ZCCHC7: variants seen among roughly 807,000 people sequenced by gnomAD.
ZCCHC7 encodes the protein zinc finger CCHC domain-containing protein 7.
In ZCCHC7, 35 loss-of-function variants were observed where a neutral mutation model predicts 52.0. That is an observed-to-expected ratio of 0.67 (90% CI 0.51 to 0.89). The LOEUF (loss-of-function observed/expected upper bound fraction) is 0.89, where lower values mean the gene tolerates loss of function less well. Ranked by LOEUF, ZCCHC7 falls within the 40% of genes least tolerant of loss-of-function variation. ZCCHC7 has a pLI of 0.00. For synonymous variants in ZCCHC7, 217 were observed against 221.5 expected (o/e 0.98, Z 0.18); for missense variants, 574 against 649.1 (o/e 0.88, Z 1.26).
chr9:37,145,864 A>AGG (rs1249126719), intron 2 of ZCCHC7, among the ~76,000 whole-genome samples: 1 of 151,958 alleles, frequency 6.6e-6, no homozygotes, highest in South Asian at 2.1e-4. Flanking sequence ...GTTAAAAGCA[A>AGG]GGAATATAAC....
At chr9:37,347,794 G>A (rs747127113) in intron 6 of ZCCHC7, among the ~76,000 whole-genome samples, 2 of 152,126 alleles carry the variant, frequency 1.3e-5, no homozygotes, top group South Asian at 2.1e-4. Flanking sequence ...TCACAGTAAG[G>A]TTATCTGTGA....
Position 37,357,957 on chromosome 9 carries a change from CACTTTT to C in ZCCHC7, c.*692_*697del, listed in dbSNP as rs1254573668. On this transcript the variant is annotated 3_prime_UTR_variant, in exon 9 of 9. Transcript: ENST00000336755. ...TAATCACAATGAAATCATTTTTTACCACTTTTACAGCGGTGTTTCAAGCGGACTGTC... is the reference window on the plus strand; with the variant it reads ...TAATCACAATGAAATCATTTTTTACCACAGCGGTGTTTCAAGCGGACTGTC... 2 of 151,944 alleles carry C rather than the reference CACTTTT, an allele frequency of 1.3e-5. No homozygotes were observed. Among genetic ancestry groups the C allele is most frequent in the Admixed American group, 1.3e-4 (2 of 15,240 alleles). 9.4% of individuals were successfully genotyped at this position (151,944 alleles called of 1,614,324 possible). A position where few individuals can be genotyped will look rare whatever the true frequency, so the allele number is the denominator to read the frequency against.
chr9:37,326,921 A>T (rs541543972), intron 5 of ZCCHC7: 1 of 152,186 alleles, frequency 6.6e-6, no homozygotes, highest in South Asian at 2.1e-4. Context: ...ATTTATTCCA[A>T]CCATTTATAT....
At chr9:37,243,275 T>A (rs1210865087) in intron 2 of ZCCHC7, among the ~76,000 whole-genome samples, 2 of 151,810 alleles carry the variant, frequency 1.3e-5, no homozygotes, top group African/African-American at 4.8e-5. Context: ...TTAAACATTA[T>A]GAAAACAGAT....
intron 2 of ZCCHC7, among the ~76,000 whole-genome samples, chr9:37,225,030 C>G (rs1026046870): frequency 1.2e-4 from 18 of 152,188 alleles, no homozygotes; most frequent in Middle Eastern, 3.2e-3. Context: ...AAGAATAATT[C>G]ATTTTATCCC....
intron 2 of ZCCHC7, among the ~76,000 whole-genome samples, chr9:37,162,533 A>G (rs529667977): frequency 6.6e-6 from 1 of 152,374 alleles, no homozygotes; most frequent in South Asian, 2.1e-4. Flanking sequence ...TTCAGTCAGC[A>G]TAATTGAGAT....
chr9:37,291,666 TTTTTTG>T (rs1025705664), intron 2 of ZCCHC7, among the ~76,000 whole-genome samples: 1 of 152,218 alleles, frequency 6.6e-6, no homozygotes, highest in African/African-American at 2.4e-5. Flanking sequence ...GTTTTACAGT[TTTTTTG>T]TTTTTGTTTT....
intron 2 of ZCCHC7, among the ~76,000 whole-genome samples, chr9:37,133,840 T>C (rs1588353911): frequency 1.3e-5 from 2 of 152,282 alleles, no homozygotes; most frequent in African/African-American, 4.8e-5. Flanking sequence ...CTGCCCACCT[T>C]GGCCTCCCAA....
At chr9:37,299,329 G>A (rs1217582683) in intron 2 of ZCCHC7, among the ~76,000 whole-genome samples, 6 of 152,178 alleles carry the variant, frequency 3.9e-5, no homozygotes, top group South Asian at 2.1e-4. Flanking sequence ...ACGTGACAAT[G>A]TATATAATTC....
intron 2 of ZCCHC7, among the ~76,000 whole-genome samples, chr9:37,263,993 A>G (rs1451935837): frequency 2.4e-4 from 36 of 152,238 alleles, no homozygotes; most frequent in Non-Finnish European, 8.8e-5. Flanking sequence ...CTTGGTGATC[A>G]TGGATAAACG....
At chr9:37,259,771 G>T (rs1350624805) in intron 2 of ZCCHC7, among the ~76,000 whole-genome samples, 1 of 152,076 alleles carries the variant, frequency 6.6e-6, no homozygotes, top group African/African-American at 2.4e-5. Flanking sequence ...CAACTTCCAA[G>T]AAACCAAATG....
At chr9:37,194,947 CTT>C (rs1169877667) in intron 2 of ZCCHC7, among the ~76,000 whole-genome samples, 27 of 133,460 alleles carry the variant, frequency 2.0e-4, no homozygotes, top group Admixed American at 3.0e-4. Context: ...TCTCTTTTTT[CTT>C]TTTTTTTTTT....
At chr9:37,241,273 G>A (rs201060861) in intron 2 of ZCCHC7, among the ~76,000 whole-genome samples, 68 of 151,820 alleles carry the variant, frequency 4.5e-4, no homozygotes, top group East Asian at 2.5e-3. Flanking sequence ...GGTAATGAGC[G>A]TATAACAAAA....
chr9:37,124,336 G>A (rs190005469), intron 1 of ZCCHC7, among the ~76,000 whole-genome samples: 3 of 151,648 alleles, frequency 2.0e-5, no homozygotes, highest in Admixed American at 1.3e-4. Context: ...TGGAGTAGTC[G>A]AAAGACAACA....
intron 2 of ZCCHC7, among the ~76,000 whole-genome samples, chr9:37,240,667 C>T (rs1278110103): frequency 3.3e-5 from 5 of 151,778 alleles, no homozygotes; most frequent in African/African-American, 9.7e-5. Flanking sequence ...AAAATCTGAC[C>T]GCATTTCATC....
At chr9:37,303,942 CAT>C (rs1829169910) in intron 3 of ZCCHC7, among the ~76,000 whole-genome samples, 1 of 152,152 alleles carries the variant, frequency 6.6e-6, no homozygotes, top group African/African-American at 2.4e-5. Context: ...GGATTACAGG[CAT>C]GAGCCACCAC....
At chr9:37,129,026 C>A (rs1842657296) in intron 2 of ZCCHC7, among the ~76,000 whole-genome samples, 1 of 152,158 alleles carries the variant, frequency 6.6e-6, no homozygotes, top group Non-Finnish European at 1.5e-5. Flanking sequence ...ATTTCAAATT[C>A]TCTGTGTACA....
chr9:37,272,802 G>A (rs1266660453), intron 2 of ZCCHC7, among the ~76,000 whole-genome samples: 1 of 152,138 alleles, frequency 6.6e-6, no homozygotes, highest in Non-Finnish European at 1.5e-5. Context: ...TCTGCACTCT[G>A]CATCCCATAG....
chr9:37,353,665 AATT>A (rs1821527052), intron 7 of ZCCHC7, among the ~76,000 whole-genome samples: 1 of 152,154 alleles, frequency 6.6e-6, no homozygotes, highest in Non-Finnish European at 1.5e-5. Context: ...ATAGGTTTTT[AATT>A]ATTTTTTTAT....
Sources: gnomAD v4.1 joint callset for allele counts (sites outside exome capture counted in the v4.1 genomes callset) on GRCh38, gnomAD v4.1.1 for gene constraint, MANE v1.5 for transcripts, NCBI Gene and HGNC (gene_info 2026-07-23, HGNC 2026-07-21) for gene names.